ATM: variants seen among roughly 807,000 people sequenced by gnomAD.
ATM encodes the protein ATM serine/threonine kinase.
ATM carries 308 observed loss-of-function variants against 387.0 expected under a neutral mutation model. The ratio of observed to expected loss-of-function variants is 0.80; its 90% CI spans 0.73 to 0.87. ATM has a LOEUF of 0.87. Ranked by LOEUF, ATM falls within the 40% of genes least tolerant of loss-of-function variation. The probability of loss-of-function intolerance (pLI) is 0.00; values close to 1 mark genes in which losing one functional copy is unlikely to be tolerated. For synonymous variants in ATM, 1,156 were observed against 1,187.3 expected (o/e 0.97, Z 0.54); for missense variants, 3,312 against 3,560.9 (o/e 0.93, Z 1.78).
In ATM at chr11:108,271,424, TGTG is replaced by T. The variant is rs1243820894; in HGVS notation, c.3077+21_3077+23del. ...GCATTTTGGTAGGTACAGTCTATTTTGTGGTCCTATTTTTCTTTTGCTATCTGT... is the reference window on the plus strand; with the variant it reads ...GCATTTTGGTAGGTACAGTCTATTTTGTCCTATTTTTCTTTTGCTATCTGT... On this transcript the variant is annotated intron_variant, in intron 20 of 62. Coordinates refer to ENST00000675843, the MANE Select transcript of ATM (RefSeq NM_000051.4). 4 of 1,613,952 alleles carry T rather than the reference TGTG, an allele frequency of 2.5e-6. No homozygotes were observed. In the South Asian group the frequency reaches 4.4e-5, roughly 18 times the overall value.
Position 108,297,047 on chromosome 11 carries a change from A to G in ATM, c.4910-240A>G, listed in dbSNP as rs1216845248. ...GCTAAGGTGTTGACTTATCTGCACA[A>G]TTTGTTTAAGACATTTTATTTTCTC... On this transcript the variant is annotated intron_variant, in intron 32 of 62. Coordinates refer to ENST00000675843, the MANE Select transcript of ATM (RefSeq NM_000051.4). The G allele has an allele frequency of 8.4e-6, 4 of 473,804 alleles. No homozygotes were observed. The Admixed American group carries it at 1.0e-4, about 12-fold the overall frequency. The allele number at this position is 473,804 out of a possible 1,614,324, so 29.3% of individuals were successfully genotyped here.
chr11:108,243,039 G>C (rs1304648961), intron 5 of ATM, among the ~76,000 whole-genome samples: 1 of 151,942 alleles, frequency 6.6e-6, no homozygotes, highest in Non-Finnish European at 1.5e-5. Flanking sequence ...GGGCAACATG[G>C]TGAAATCCTG....
chr11:108,361,586 G>T (rs1248724079), intron 61 of ATM, among the ~76,000 whole-genome samples: 2 of 151,872 alleles, frequency 1.3e-5, no homozygotes, highest in African/African-American at 4.8e-5. Context: ...CATGGTACTG[G>T]TACCAAAACA....
chr11:108,343,450 G>C (rs2136961459), intron 57 of ATM, 79 bp downstream of exon 57: 1 of 1,551,362 alleles, frequency 6.4e-7, no homozygotes, highest in East Asian at 2.3e-5. Flanking sequence ...AGATATTATA[G>C]AATACAAAAA....
chr11:108,254,579 T>C (rs2080357332), intron 13 of ATM, among the ~76,000 whole-genome samples: 1 of 152,214 alleles, frequency 6.6e-6, no homozygotes, highest in South Asian at 2.1e-4. Flanking sequence ...TTTCTACCTA[T>C]TTCTGTGTAT....
intron 16 of ATM, among the ~76,000 whole-genome samples, chr11:108,266,044 A>G (rs1489645238): frequency 6.6e-6 from 1 of 151,998 alleles, no homozygotes; most frequent in Non-Finnish European, 1.5e-5. Flanking sequence ...TGGGACTGTA[A>G]ACTAGTTCAA....
chr11:108,273,331 C>CTTTTTTTTTTTTTTTTTTTTTTTTT (rs563140198), intron 22 of ATM, among the ~76,000 whole-genome samples: 2 of 80,660 alleles, frequency 2.5e-5, no homozygotes, highest in African/African-American at 5.7e-5. Context: ...TAATTTCATT[C>CTTTTTTTTTTTTTTTTTTTTTTTTT]TTTTTTTTTT....
chr11:108,264,220 C>T (rs1183198483), intron 16 of ATM, among the ~76,000 whole-genome samples: 2 of 151,886 alleles, frequency 1.3e-5, no homozygotes, highest in Non-Finnish European at 2.9e-5. Flanking sequence ...AACATTGATG[C>T]AAAAATCCTC....
intron 9 of ATM, among the ~76,000 whole-genome samples, chr11:108,250,390 A>G (rs1223715098): frequency 2.0e-5 from 3 of 152,094 alleles, no homozygotes; most frequent in Admixed American, 2.0e-4. Context: ...TAACCTCGTG[A>G]TCTGCCTGCC....
At chr11:108,317,625 A>G in intron 43 of ATM, 104 bp downstream of exon 43, 1 of 72,036 alleles carries the variant, frequency 1.4e-5, no homozygotes, top group South Asian at 5.8e-4. Context: ...TTATATATAT[A>G]TATATATATA....
At chr11:108,312,798 T>C (rs1326817808) in intron 40 of ATM, among the ~76,000 whole-genome samples, 1 of 152,180 alleles carries the variant, frequency 6.6e-6, no homozygotes, top group Non-Finnish European at 1.5e-5. Context: ...TTTATAGCAC[T>C]TAGGGTTTAT....
intron 56 of ATM, among the ~76,000 whole-genome samples, chr11:108,337,306 A>G (rs2086956273): frequency 6.6e-6 from 1 of 152,228 alleles, no homozygotes; most frequent in South Asian, 2.1e-4. Flanking sequence ...CTGCAATAAT[A>G]ACTAACATAA....
At chr11:108,331,018 A>C (rs900186306) in intron 50 of ATM, among the ~76,000 whole-genome samples, 1 of 152,210 alleles carries the variant, frequency 6.6e-6, no homozygotes, top group Non-Finnish European at 1.5e-5. Context: ...GAAAATAATA[A>C]GACTCATAAT....
At chr11:108,264,723 C>T (rs1474308922) in intron 16 of ATM, among the ~76,000 whole-genome samples, 1 of 134,906 alleles carries the variant, frequency 7.4e-6, no homozygotes, top group Non-Finnish European at 1.6e-5. Flanking sequence ...GATTGTATAT[C>T]TAGAAAACCC....
At chr11:108,317,552 T>G (rs1457210857) in intron 43 of ATM, 31 bp downstream of exon 43, 1 of 1,558,788 alleles carries the variant, frequency 6.4e-7, no homozygotes, top group African/African-American at 1.5e-5. Flanking sequence ...TTTTTTTTTT[T>G]GCCTCTCTCC....
intron 16 of ATM, among the ~76,000 whole-genome samples, chr11:108,265,029 A>G (rs2081142538): frequency 7.0e-6 from 1 of 143,204 alleles, no homozygotes; most frequent in East Asian, 2.0e-4. Context: ...GGTAGGAAGA[A>G]TCAATATTGT....
chr11:108,322,111 G>A (rs1311532260), intron 45 of ATM, among the ~76,000 whole-genome samples: 1 of 151,704 alleles, frequency 6.6e-6, no homozygotes, highest in Non-Finnish European at 1.5e-5. Flanking sequence ...CCATTCTATT[G>A]TTTATTGTTG....
At chr11:108,301,082 A>G (rs1170460740) in intron 34 of ATM, among the ~76,000 whole-genome samples, 1 of 151,916 alleles carries the variant, frequency 6.6e-6, no homozygotes, top group South Asian at 2.1e-4. Flanking sequence ...TCATTTTTTA[A>G]ATGTATATCA....
chr11:108,279,084 T>C (rs1198433713), intron 22 of ATM, among the ~76,000 whole-genome samples: 1 of 152,180 alleles, frequency 6.6e-6, no homozygotes, highest in African/African-American at 2.4e-5. Context: ...ATTTAAATGG[T>C]ACATAAAAAC....
Sources: gnomAD v4.1 joint callset for allele counts (sites outside exome capture counted in the v4.1 genomes callset) on GRCh38, gnomAD v4.1.1 for gene constraint, MANE v1.5 for transcripts, NCBI Gene and HGNC (gene_info 2026-07-23, HGNC 2026-07-21) for gene names.